ZBTB40: variants seen among roughly 807,000 people sequenced by gnomAD.
ZBTB40 encodes the protein zinc finger and BTB domain-containing protein 40.
A neutral mutation model predicts 117.5 loss-of-function variants in ZBTB40; 60 were observed. That is an observed-to-expected ratio of 0.51 (90% CI 0.41 to 0.63). ZBTB40 has a LOEUF of 0.63. Ranked by LOEUF, ZBTB40 falls within the 30% of genes least tolerant of loss-of-function variation. ZBTB40 has a pLI of 0.00. For synonymous variants in ZBTB40, 525 were observed against 577.1 expected, an observed-to-expected ratio of 0.91 and a Z score of 1.29; for missense variants, 1,287 against 1,498.5, an observed-to-expected ratio of 0.86 and a Z score of 2.33.
chr1:22,457,320 A>G (rs1401295634), intron 1 of ZBTB40, among the ~76,000 whole-genome samples: 4 of 152,354 alleles, frequency 2.6e-5, no homozygotes, highest in Non-Finnish European at 4.4e-5. Context: ...GAAAAAGGCA[A>G]TTCATAAATG....
chr1:22,431,508 G>A (rs752788514), intron 1 of ZBTB40, among the ~76,000 whole-genome samples: 4 of 151,268 alleles, frequency 2.6e-5, no homozygotes, highest in Non-Finnish European at 5.9e-5. Flanking sequence ...GGAGACCAAG[G>A]GGGGTGGGTC....
intron 1 of ZBTB40, among the ~76,000 whole-genome samples, chr1:22,442,872 C>T (rs1640749232): frequency 6.6e-6 from 1 of 152,084 alleles, no homozygotes; most frequent in South Asian, 2.1e-4. Context: ...TATCATTCTC[C>T]CTTCAATTCC....
chr1:22,501,277 G>A (rs1638927887), intron 3 of ZBTB40, among the ~76,000 whole-genome samples: 2 of 152,230 alleles, frequency 1.3e-5, no homozygotes, highest in African/African-American at 4.8e-5. Flanking sequence ...TTAGAGCATG[G>A]AGTCGTGGAA....
At chr1:22,491,554 T>A in intron 3 of ZBTB40, 21 bp downstream of exon 3, 1 of 1,613,486 alleles carries the variant, frequency 6.2e-7, no homozygotes, top group Non-Finnish European at 8.5e-7. Flanking sequence ...CTGACTTTTG[T>A]ACTTGTTTGC....
rs1027573334 is a variant in ZBTB40 at position 22,528,595 on chromosome 1, G to A, written c.*2199G>A. The A allele has an allele frequency of 3.3e-5, 5 of 152,172 alleles. No individual in the cohort carries two copies. Among genetic ancestry groups the A allele is most frequent in the African/African-American group, 7.2e-5 (3 of 41,394 alleles). 9.4% of individuals were successfully genotyped at this position (152,172 alleles called of 1,614,324 possible). On this transcript the variant is annotated 3_prime_UTR_variant, in exon 18 of 18. Coordinates refer to ENST00000375647, the MANE Select transcript of ZBTB40 (RefSeq NM_014870.4). The stretch of plus-strand genomic sequence containing the variant: ...CACCCAGACTGGAACACAGTGGCAC[G>A]ATCTTGGCTCACTGCAACCTCTGCG...
chr1:22,511,375 G>A (rs185973853), intron 10 of ZBTB40, 28 bp downstream of exon 10: 3 of 1,612,250 alleles, frequency 1.9e-6, no homozygotes, highest in Non-Finnish European at 2.5e-6. Flanking sequence ...TGGGAAGGGG[G>A]TTCCTATCAG....
chr1:22,511,948 C>T lies in ZBTB40; in HGVS notation c.2275C>T (p.Arg759Trp), dbSNP rs377367367. The T allele has an allele frequency of 5.3e-5, 85 of 1,614,030 alleles. No homozygotes were observed. Among genetic ancestry groups the T allele is most frequent in the Admixed American group, 6.7e-5 (4 of 60,002 alleles). The change falls in exon 11 of 18, where the codon CGG becomes TGG. Residue 759 changes from arginine to tryptophan, a missense_variant. Physicochemically the swap from Arg to Trp is moderately radical, Grantham distance 101. Transcript: ENST00000375647. ...CCTAAAGGTGCACATGAAGCGCTGC[C>T]GGGTGGCTAAGAGCAAACAGGTGCA... Reference protein sequence around the residue: ...CRLKVHMKRCRVAKSKQVQCK... With the variant: ...CRLKVHMKRCWVAKSKQVQCK...
At chr1:22,507,682 AC>A (rs925561920) in intron 6 of ZBTB40, among the ~76,000 whole-genome samples, 5 of 151,422 alleles carry the variant, frequency 3.3e-5, no homozygotes, top group African/African-American at 4.9e-5. Flanking sequence ...CTTGACAAAC[AC>A]CCCCCCTTGA....
At chr1:22,463,420 G>A (rs188883206) in intron 1 of ZBTB40, among the ~76,000 whole-genome samples, 24 of 152,306 alleles carry the variant, frequency 1.6e-4, no homozygotes, top group African/African-American at 5.5e-4. Context: ...TGAAAACTTA[G>A]TTATCGTCCG....
At chr1:22,446,754 G>T (rs1327544716) in intron 1 of ZBTB40, among the ~76,000 whole-genome samples, 1 of 151,852 alleles carries the variant, frequency 6.6e-6, no homozygotes, top group Non-Finnish European at 1.5e-5. Context: ...TTTGTTGCCA[G>T]GAGACCTAAC....
At chr1:22,508,340 G>A (rs1415677627) in intron 7 of ZBTB40, among the ~76,000 whole-genome samples, 190 bp from the exon 8 acceptor site, 1 of 152,204 alleles carries the variant, frequency 6.6e-6, no homozygotes, top group African/African-American at 2.4e-5. Flanking sequence ...TGGTAATAAG[G>A]AAAGGCATTC....
intron 1 of ZBTB40, among the ~76,000 whole-genome samples, chr1:22,469,540 GT>G: frequency 6.6e-6 from 1 of 151,926 alleles, no homozygotes; most frequent in South Asian, 2.1e-4. Flanking sequence ...ACCTGATAGG[GT>G]TTTTTTGTTT....
chr1:22,495,479 A>T (rs1223829768), intron 3 of ZBTB40, among the ~76,000 whole-genome samples: 1 of 151,808 alleles, frequency 6.6e-6, no homozygotes, highest in Non-Finnish European at 1.5e-5. Context: ...ACTTTTTTTC[A>T]GTTTTTGTGC....
At chr1:22,524,740 C>T (rs565139129) in intron 17 of ZBTB40, among the ~76,000 whole-genome samples, 3 of 152,298 alleles carry the variant, frequency 2.0e-5, no homozygotes, top group Admixed American at 6.5e-5. Flanking sequence ...GTGAGAACTG[C>T]GGGAAACCTC....
Position 22,431,384 on chromosome 1 carries a change from G to GTGTATATA in ZBTB40, c.-70+2371_-70+2372insGTATATAT, listed in dbSNP as rs1222294324. ...ATTTTGTGTGTGTGTGTGTGTGTGT[G>GTGTATATA]TATATATATATATATATATATATAT... On this transcript the variant is annotated intron_variant, in intron 1 of 8. Coordinates refer to the ZBTB40 transcript ENST00000650433. 9.2e-4 allele frequency among the ~76,000 whole-genome samples: 110 copies of GTGTATATA among 119,684 alleles called. 3 individuals are homozygous for GTGTATATA. Among genetic ancestry groups the GTGTATATA allele is most frequent in the South Asian group, 4.8e-3 (19 of 3,954 alleles). 78.5% of individuals were successfully genotyped at this position (119,684 alleles called of 152,430 possible).
intron 5 of ZBTB40, among the ~76,000 whole-genome samples, chr1:22,502,920 T>A (rs186604755): frequency 6.6e-6 from 1 of 152,186 alleles, no homozygotes; most frequent in Non-Finnish European, 1.5e-5. Context: ...AAAGAAAAAA[T>A]TCAGATTTCT....
chr1:22,520,634 G>T (rs1639497259), intron 14 of ZBTB40, among the ~76,000 whole-genome samples: 1 of 152,158 alleles, frequency 6.6e-6, no homozygotes, highest in Non-Finnish European at 1.5e-5. Context: ...ACACTACCTG[G>T]AATTACCTTG....
rs1443924304 is a variant in ZBTB40, at chr1:22,521,493, C to T, written c.3049-3C>T. The T allele has an allele frequency of 6.2e-7, 1 of 1,614,230 alleles. No homozygotes were observed. The highest frequency in any genetic ancestry group is 8.5e-7 in the Non-Finnish European group (1 of 1,180,044). ...GACCTAACACTTGCCAAATTCCTTG[C>T]AGCAATTGTCTGGTTTGTGGTACCA... On this transcript the variant is annotated splice_region_variant and splice_polypyrimidine_tract_variant and intron_variant, in intron 14 of 17. Coordinates refer to ENST00000375647, the MANE Select transcript of ZBTB40 (RefSeq NM_014870.4).
chr1:22,482,066 A>G (rs1423630997), intron 1 of ZBTB40, among the ~76,000 whole-genome samples: 1 of 152,092 alleles, frequency 6.6e-6, no homozygotes, highest in Non-Finnish European at 1.5e-5. Flanking sequence ...CTATTAGATA[A>G]AAGCCACTTA....
Sources: allele counts gnomAD v4.1 joint callset (sites outside exome capture counted in the v4.1 genomes callset), GRCh38; gene constraint gnomAD v4.1.1; transcripts MANE v1.5; gene names NCBI Gene and HGNC (gene_info 2026-07-23, HGNC 2026-07-21).